SLFN12L: variants seen among roughly 807,000 people sequenced by gnomAD.
The protein encoded by SLFN12L is schlafen family member 12 like.
SLFN12L carries 34 observed loss-of-function variants against 34.8 expected under a neutral mutation model. That is an observed-to-expected ratio of 0.98 (90% CI 0.74 to 1.30). The LOEUF (loss-of-function observed/expected upper bound fraction) is 1.30. SLFN12L is among the 50% of genes most tolerant of loss of function. SLFN12L has a pLI of 0.00. For synonymous variants in SLFN12L, 259 were observed against 247.5 expected, an observed-to-expected ratio of 1.05 and a Z score of -0.44; for missense variants, 703 against 696.2, an observed-to-expected ratio of 1.01 and a Z score of -0.11.
chr17:35,482,084 T>G (rs1281987112), intron 2 of SLFN12L, among the ~76,000 whole-genome samples: 3 of 152,174 alleles, frequency 2.0e-5, no homozygotes, highest in Non-Finnish European at 4.4e-5. Context: ...CTGGTCTCGA[T>G]GATGATCCTG....
intron 2 of SLFN12L, among the ~76,000 whole-genome samples, chr17:35,512,568 G>A (rs1181229338): frequency 6.6e-6 from 1 of 152,008 alleles, no homozygotes; most frequent in Non-Finnish European, 1.5e-5. Flanking sequence ...GGGTTTCACT[G>A]TGTTAGCCAG....
At chr17:35,487,946 C>T (rs1310201471) in intron 2 of SLFN12L, 8 of 693,550 alleles carry the variant, frequency 1.2e-5, no homozygotes, top group Admixed American at 6.0e-5. Context: ...CGGTGACTCA[C>T]GCCTGTAATC....
chr17:35,486,527 A>G lies in SLFN12L; in HGVS notation c.87-6332T>C, dbSNP rs1265800140. On this transcript the variant is annotated intron_variant, in intron 2 of 4. Transcript: ENST00000628453. ...CCACCCGAGTCCAACACCTGCAGCCATGTAAAACTTTCCATGGTTCAAAAC... is the reference window on the plus strand; with the variant it reads ...CCACCCGAGTCCAACACCTGCAGCCGTGTAAAACTTTCCATGGTTCAAAAC... 3.3e-5 allele frequency among the ~76,000 whole-genome samples: 5 copies of G among 152,286 alleles called. No individual in the cohort carries two copies. In the East Asian group the frequency reaches 9.6e-4, roughly 29 times the overall value.
chr17:35,487,499 C>A (rs1914635478), intron 2 of SLFN12L, among the ~76,000 whole-genome samples: 1 of 147,886 alleles, frequency 6.8e-6, no homozygotes, highest in Admixed American at 6.8e-5. Flanking sequence ...GAATAAGAAA[C>A]GGAGGCTGGA....
chr17:35,498,169 C>T, intron 2 of SLFN12L: 1 of 346,140 alleles, frequency 2.9e-6, no homozygotes, highest in East Asian at 4.1e-5. Flanking sequence ...CATCTCGATC[C>T]GGGAGGCGGC....
intron 2 of SLFN12L, chr17:35,499,307 C>T: frequency 1.6e-6 from 1 of 635,248 alleles, no homozygotes; most frequent in Non-Finnish European, 2.3e-6. Flanking sequence ...CAGACTAATG[C>T]CATGTAACCT....
Position 35,479,806 on chromosome 17 carries a change from G to C in SLFN12L, c.476C>G (p.Pro159Arg), listed in dbSNP as rs763566782. The C allele has an allele frequency of 8.7e-6, 14 of 1,610,592 alleles. No homozygotes were observed. In the South Asian group the frequency reaches 1.5e-4, roughly 18 times the overall value. ...ACTGGAGCTCAACGTGGCAATCTGCGGACCAGAGGTTTCCAAGCTCCATGA... is the reference window on the plus strand; with the variant it reads ...ACTGGAGCTCAACGTGGCAATCTGCCGACCAGAGGTTTCCAAGCTCCATGA... ...VKSWSLETSGPQIATLSSSLY... is the reference protein window; with the variant it reads ...VKSWSLETSGRQIATLSSSLY... Residue 159 changes from proline (P) to arginine (R), a missense_variant, in exon 3 of 5, where the codon CCG becomes CGG. By Grantham distance (103) the Pro-to-Arg change is moderately radical. Transcript: ENST00000628453.
In SLFN12L at chr17:35,475,037, G is replaced by A; in HGVS notation, c.1725C>T (p.Asp575=). The A allele has an allele frequency of 6.2e-7, 1 of 1,608,624 alleles. No individual in the cohort carries two copies. The highest frequency in any genetic ancestry group is 2.2e-5 in the East Asian group (1 of 44,758). ...AGATATTTGAAAGGGCCTTTTCCAA[G>A]TCTTTCATTGTTTGAGCTGTTGTCC... The part of the protein sequence containing the change: ...YYWTTAQTMK[D]LEKALSNILP... Residue 575 remains aspartate (D), a synonymous_variant, in exon 5 of 5, where the codon GAC becomes GAT. Transcript: ENST00000628453.
At chr17:35,526,354 G>A (rs954327847) in intron 1 of SLFN12L, among the ~76,000 whole-genome samples, 52 of 152,214 alleles carry the variant, frequency 3.4e-4, no homozygotes, top group African/African-American at 1.0e-3. Flanking sequence ...TGAACCAAGC[G>A]GATCTAATAG....
chr17:35,503,874 C>T (rs567306858), intron 2 of SLFN12L, among the ~76,000 whole-genome samples: 13 of 152,260 alleles, frequency 8.5e-5, no homozygotes, highest in African/African-American at 2.9e-4. Context: ...TCCACCGAGA[C>T]TGCTGTTCAT....
intron 1 of SLFN12L, among the ~76,000 whole-genome samples, chr17:35,534,936 A>C (rs900960081): frequency 6.6e-6 from 1 of 152,228 alleles, no homozygotes; most frequent in East Asian, 1.9e-4. Context: ...CAAAGGGCAT[A>C]GTAGGAAGGT....
chr17:35,510,821 C>T (rs949934231), intron 2 of SLFN12L, among the ~76,000 whole-genome samples: 4 of 141,630 alleles, frequency 2.8e-5, no homozygotes, highest in African/African-American at 5.4e-5. Flanking sequence ...CCAAATAAAA[C>T]TGAATTCACA....
rs751141612 is a variant in SLFN12L at position 35,480,173 on chromosome 17, C to T, written c.109G>A (p.Gly37Ser). The T allele has an allele frequency of 1.3e-6, 2 of 1,591,230 alleles. No homozygotes were observed. The highest frequency in any genetic ancestry group is 3.6e-5 in the Admixed American group (2 of 55,550). The change falls in exon 3 of 5, where the codon GGC (glycine) becomes AGC (serine). Residue 37 changes from glycine to serine, a missense_variant. Coordinates refer to ENST00000628453, the MANE Select transcript of SLFN12L (RefSeq NM_001363830.2). ...ATGTTCATTTTCCCAGCAGCTAAGC[C>T]ATTTCCACGCAGAAATTCTTTTCTG... is the stretch of plus-strand genomic sequence containing the variant. ...FIRKEFLRGN[G>S]LAAGKMNISI...
chr17:35,528,834 C>T (rs7405475), intron 1 of SLFN12L, among the ~76,000 whole-genome samples: 142,658 of 152,312 alleles, frequency 0.94, 66,938 homozygotes, highest in East Asian at 1. Context: ...AAAGCCAAAA[C>T]TGACAAATGG....
intron 2 of SLFN12L, among the ~76,000 whole-genome samples, chr17:35,509,324 G>A (rs1261314773): frequency 2.0e-5 from 3 of 152,218 alleles, no homozygotes; most frequent in African/African-American, 4.8e-5. Context: ...TGGTGGTTTT[G>A]TTTAAATACT....
At chr17:35,518,012 A>G (rs1236443139) in intron 2 of SLFN12L, among the ~76,000 whole-genome samples, 3 of 152,246 alleles carry the variant, frequency 2.0e-5, no homozygotes, top group African/African-American at 7.2e-5. Flanking sequence ...CTAAAACAAA[A>G]GCAATTGCAA....
At chr17:35,519,201 C>T (rs1179838128) in intron 2 of SLFN12L, among the ~76,000 whole-genome samples, 1 of 151,942 alleles carries the variant, frequency 6.6e-6, no homozygotes, top group Non-Finnish European at 1.5e-5. Context: ...GGTAGGGGGG[C>T]AAGGAGAGGG....
intron 2 of SLFN12L, among the ~76,000 whole-genome samples, chr17:35,489,650 G>A (rs932653225): frequency 6.6e-6 from 1 of 152,122 alleles, no homozygotes; most frequent in Admixed American, 6.5e-5. Flanking sequence ...GTATCCAAGA[G>A]TGATTTAGAT....
At chr17:35,483,616 C>A (rs1444763313) in intron 2 of SLFN12L, among the ~76,000 whole-genome samples, 2 of 152,140 alleles carry the variant, frequency 1.3e-5, no homozygotes, top group Non-Finnish European at 2.9e-5. Flanking sequence ...TTGTGGCAGG[C>A]CAAACAGACT....
Sources: allele counts gnomAD v4.1 joint callset (sites outside exome capture counted in the v4.1 genomes callset), GRCh38; gene constraint gnomAD v4.1.1; transcripts MANE v1.5; gene names NCBI Gene and HGNC (gene_info 2026-07-23, HGNC 2026-07-21).